RASL12: variants seen among roughly 807,000 people sequenced by gnomAD.
The protein encoded by RASL12 is ras-like protein family member 12.
Under a neutral mutation model 22.9 loss-of-function variants are expected in RASL12, and 16 were observed. That is an observed-to-expected ratio of 0.70 (90% CI 0.47 to 1.06). The LOEUF is 1.06. RASL12 is among the 50% of genes least tolerant of loss of function. The pLI is 0.00. For synonymous variants in RASL12, 159 were observed against 152.2 expected, an observed-to-expected ratio of 1.04 and a Z score of -0.33; for missense variants, 306 against 353.1, an observed-to-expected ratio of 0.87 and a Z score of 1.07.
At chr15:65,048,049 T>C in the RASL12 span, among the ~76,000 whole-genome samples, 1 of 152,076 alleles carries the variant, frequency 6.6e-6, no homozygotes, top group Non-Finnish European at 1.5e-5. Context: ...CGTGGTGGCA[T>C]GCCCTGTAGT....
chr15:65,068,668 G>C (rs1049516185), upstream of RASL12, among the ~76,000 whole-genome samples: 2 of 152,202 alleles, frequency 1.3e-5, no homozygotes, highest in Admixed American at 1.3e-4. The surrounding 1 kb of genome is among the most constrained non-coding windows in gnomAD (Gnocchi z 4.2). Flanking sequence ...CTAAAACCTG[G>C]CACTGCCTCT....
Position 65,054,820 on chromosome 15 carries a change from G to A in RASL12, c.*79C>T. On this transcript the variant is annotated 3_prime_UTR_variant, in exon 5 of 5. Coordinates refer to ENST00000220062, the MANE Select transcript of RASL12 (RefSeq NM_016563.4). Reference sequence around the variant, plus strand: ...GGGTCTGCTGTCCATCAGACGGAAAGGCTGGTGGTGAGAAGCCAGTCCCTG... The same window carrying A: ...GGGTCTGCTGTCCATCAGACGGAAAAGCTGGTGGTGAGAAGCCAGTCCCTG... 1 of 1,531,230 alleles carries A rather than the reference G, an allele frequency of 6.5e-7. No homozygotes were observed. Among genetic ancestry groups the A allele is most frequent in the Non-Finnish European group, 8.8e-7 (1 of 1,140,420 alleles). 94.9% of individuals were successfully genotyped at this position (1,531,230 alleles called of 1,614,324 possible). A position where few individuals can be genotyped will look rare whatever the true frequency, so the allele number is the denominator to read the frequency against.
At chr15:65,065,343 G>A (rs2086863974) in intron 1 of RASL12, 70 bp from the exon 2 acceptor site, 4 of 1,459,862 alleles carry the variant, frequency 2.7e-6, no homozygotes, top group Non-Finnish European at 9.4e-7. Flanking sequence ...TCGTTTAAGG[G>A]AGGCCTTATC....
downstream of RASL12, chr15:65,051,436 A>G (rs1406931651): frequency 5.8e-6 from 8 of 1,371,398 alleles, no homozygotes; most frequent in Non-Finnish European, 8.3e-6. Flanking sequence ...GCTGGGTCTG[A>G]GCCCAGGCCC....
rs2086862161 is a variant in RASL12, at chr15:65,065,227, G to A, written c.150C>T (p.Asp50=). Residue 50 remains aspartate (D), a synonymous_variant, in exon 2 of 5, where the codon GAC becomes GAT. Transcript: ENST00000220062. The part of the protein sequence containing the change: ...FLTKRFISEY[D]PNLEDTYSSE... ...GGAGTAGTTTCTTACCCAAGTTGGG[G>A]TCATATTCACTGATAAACCTCTTGG... 9.3e-6 allele frequency: 15 copies of A among 1,612,446 alleles called. No homozygotes were observed. Among genetic ancestry groups the A allele is most frequent in the Non-Finnish European group, 1.3e-5 (15 of 1,179,486 alleles).
rs761168356 is a variant in RASL12 at position 65,067,718 on chromosome 15, C to T, written c.103+15G>A. On this transcript the variant is annotated intron_variant, in intron 1 of 4. Transcript: ENST00000220062. ...GCTCCGCACTTGGCGGCTCAGGCTC[C>T]CCGGCGCCACTCACCAGACTTGCCA... is the stretch of plus-strand genomic sequence containing the variant. 19 of 1,543,482 alleles carry T rather than the reference C, an allele frequency of 1.2e-5. No individual in the cohort carries two copies. The highest frequency in any genetic ancestry group is 1.7e-5 in the Non-Finnish European group (19 of 1,147,216).
intron 2 of RASL12, 139 bp downstream of exon 2, chr15:65,065,078 T>C: frequency 1.4e-6 from 1 of 719,190 alleles, no homozygotes; most frequent in South Asian, 2.1e-5. Flanking sequence ...TTTTCCCCCA[T>C]GGGCTGGGTC....
At chr15:65,068,241 G>T, upstream of RASL12, 4 of 988,200 alleles carry the variant, frequency 4.0e-6, no homozygotes, top group Non-Finnish European at 4.8e-6. This position sits in a 1 kb window ranked among gnomAD's most constrained non-coding sequence, Gnocchi z 4.2. Context: ...GCTAGGGGGA[G>T]AGAGGGGAAG....
In RASL12 at chr15:65,067,980, G is replaced by A. The variant is rs2086901190; in HGVS notation, c.-145C>T. The A allele has an allele frequency of 1.7e-6, 2 of 1,169,590 alleles. No individual in the cohort carries two copies. The highest frequency in any genetic ancestry group is 4.4e-5 in the South Asian group (1 of 22,988). 72.5% of individuals were successfully genotyped at this position (1,169,590 alleles called of 1,614,324 possible). A position where few individuals can be genotyped will look rare whatever the true frequency, so the allele number is the denominator to read the frequency against. On this transcript the variant is annotated 5_prime_UTR_variant, in exon 1 of 5. In the 5' UTR this introduces an upstream ATG that the reference lacks. Transcript: ENST00000220062. ...TCGGCGTCCGCGCCCTCGGCCCCGC[G>A]TCCAGCGGGCTGCCACCCCGCGGGG...
Position 65,055,057 on chromosome 15 carries a change from C to T in RASL12, c.643G>A (p.Gly215Arg), listed in dbSNP as rs1267679825. 6.2e-7 allele frequency: 1 copy of T among 1,613,426 alleles called. No homozygotes were observed. ...PHQAPLTARH[G>R]LASCTFNTLS... ...GTGTTGAAGGTGCAGCTGGCCAGCCCATGCCGCGCGGTGAGCGGGGCCTGG... is the reference window on the plus strand; with the variant it reads ...GTGTTGAAGGTGCAGCTGGCCAGCCTATGCCGCGCGGTGAGCGGGGCCTGG... The change falls in exon 5 of 5, where the codon GGG (glycine) becomes AGG (arginine). Residue 215 changes from glycine to arginine, a missense_variant. Physicochemically the swap from Gly to Arg is moderately radical, Grantham distance 125 (BLOSUM62 -2). Coordinates refer to ENST00000220062, the MANE Select transcript of RASL12 (RefSeq NM_016563.4).
chr15:65,050,988 T>C (rs6494510), downstream of RASL12, among the ~76,000 whole-genome samples: 59,249 of 151,378 alleles, frequency 0.39, 12,252 homozygotes, highest in South Asian at 0.56. Flanking sequence ...GGGATTACAG[T>C]GTATGCCACC....
downstream of RASL12, chr15:65,053,287 T>C (rs2086680395): frequency 1.8e-5 from 15 of 817,500 alleles, no homozygotes; most frequent in Non-Finnish European, 2.2e-5. Flanking sequence ...TCTTTCTTTC[T>C]TTTTTTTTTT....
At chr15:65,060,891 G>A (rs564060168) in intron 2 of RASL12, among the ~76,000 whole-genome samples, 2 of 152,218 alleles carry the variant, frequency 1.3e-5, no homozygotes, top group Non-Finnish European at 2.9e-5. Flanking sequence ...TCCCCAGCCT[G>A]CTTTGGGGAC....
At position 65,076,082 on chromosome 15, in the gene RASL12, C is replaced by T. The variant is rs531264816; in HGVS notation, c.70+447G>A. Among the ~76,000 whole-genome samples, 10 of 152,312 alleles carry T rather than the reference C, an allele frequency of 6.6e-5. No individual in the cohort carries two copies. In the South Asian group the frequency reaches 8.3e-4, roughly 13 times the overall value. ...CAGGGATTGTAAACCCACCAATCAG[C>T]GCCCTGTCAAAACAGGCCACTTGGC... On this transcript the variant is annotated intron_variant, in intron 1 of 4. Coordinates refer to the RASL12 transcript ENST00000434605.
chr15:65,076,200 A>G (rs1007502917), intron 1 of RASL12, among the ~76,000 whole-genome samples: 2 of 152,156 alleles, frequency 1.3e-5, no homozygotes, highest in African/African-American at 4.8e-5. Context: ...ATCCCCTTCC[A>G]CACTGTGGAC....
chr15:65,067,940 G>A lies in RASL12; in HGVS notation c.-105C>T. 2 of 1,271,404 alleles carry A rather than the reference G, an allele frequency of 1.6e-6. No homozygotes were observed. The highest frequency in any genetic ancestry group is 9.9e-7 in the Non-Finnish European group (1 of 1,008,686). The allele number at this position is 1,271,404 out of a possible 1,614,324, so 78.8% of individuals were successfully genotyped here. ...CGGGATGCAGGCTTCCCTGGAGCGC[G>A]CGGCCCCGGACCCGTCGGCGTCCGC... On this transcript the variant is annotated 5_prime_UTR_variant, in exon 1 of 5. Coordinates refer to ENST00000220062, the MANE Select transcript of RASL12 (RefSeq NM_016563.4).
downstream of RASL12, chr15:65,049,893 C>A: frequency 1.5e-6 from 1 of 649,796 alleles, no homozygotes; most frequent in Non-Finnish European, 2.5e-6. Context: ...TGCTTTGTTT[C>A]CAGGGGTCTT....
chr15:65,071,317 G>A (rs2086930605), upstream of RASL12, among the ~76,000 whole-genome samples: 1 of 152,160 alleles, frequency 6.6e-6, no homozygotes, highest in Non-Finnish European at 1.5e-5. Flanking sequence ...GGGATGCGGA[G>A]TAGAGAGGGA....
At position 65,067,891 on chromosome 15, in the gene RASL12, C is replaced by A; in HGVS notation, c.-56G>T. The A allele has an allele frequency of 7.2e-7, 1 of 1,379,612 alleles. No homozygotes were observed. The highest frequency in any genetic ancestry group is 3.1e-5 in the East Asian group (1 of 32,348). The allele number at this position is 1,379,612 out of a possible 1,614,324, so 85.5% of individuals were successfully genotyped here. On this transcript the variant is annotated 5_prime_UTR_variant, in exon 1 of 5. Transcript: ENST00000220062. ...CGGCCGGTGGGCCCCGCGCAGTGCG[C>A]CCGCCCGTCGGGGCCCAGGGGAGCG...
Sources: gnomAD v4.1 joint callset for allele counts (sites outside exome capture counted in the v4.1 genomes callset) on GRCh38, gnomAD v4.1.1 for gene constraint, Gnocchi (gnomAD v3.1) non-coding constraint, MANE v1.5 for transcripts, NCBI Gene and HGNC (gene_info 2026-07-23, HGNC 2026-07-21) for gene names.